XKR6: variants seen among roughly 807,000 people sequenced by gnomAD.
XKR6 encodes the protein XK related 6.
XKR6 carries 22 observed loss-of-function variants against 56.7 expected under a neutral mutation model. That is an observed-to-expected ratio of 0.39 (90% CI 0.28 to 0.55). The LOEUF (loss-of-function observed/expected upper bound fraction) is 0.55, where lower values mean the gene tolerates loss of function less well. Among genes scored for constraint, XKR6 ranks in the 20% least tolerant of loss-of-function variants. XKR6 has a pLI of 0.66. For missense variants in XKR6, 852 were observed against 889.0 expected (o/e 0.96, Z 0.53); for synonymous variants, 524 against 387.8 (o/e 1.35, Z -4.13).
rs1491486493 is a variant in XKR6 at position 11,114,725 on chromosome 8, A to ATGTGTGTGTGTG, written c.764+85850_764+85851insCACACACACACA. The stretch of plus-strand genomic sequence containing the variant: ...TAATGAAGTCAGCTACTTAGATCAC[A>ATGTGTGTGTGTG]TATGTGTGTGTGTGTGTGTGTGTGT... On this transcript the variant is annotated intron_variant, in intron 1 of 2. Coordinates refer to ENST00000416569, the MANE Select transcript of XKR6 (RefSeq NM_173683.4). Among the ~76,000 whole-genome samples, 43 of 77,690 alleles carry ATGTGTGTGTGTG rather than the reference A, an allele frequency of 5.5e-4. 1 individual carries two copies. Among genetic ancestry groups the ATGTGTGTGTGTG allele is most frequent in the African/African-American group, 2.2e-3 (38 of 17,668 alleles). The allele number at this position is 77,690 out of a possible 152,430, so 51.0% of individuals were successfully genotyped here.
At chr8:11,174,273 T>G (rs1057251271) in intron 1 of XKR6, among the ~76,000 whole-genome samples, 1 of 152,192 alleles carries the variant, frequency 6.6e-6, no homozygotes, top group African/African-American at 2.4e-5. Context: ...AGTAAGTCAC[T>G]CACTCCTCTC....
chr8:10,900,354 G>C (rs766921469), intron 2 of XKR6, among the ~76,000 whole-genome samples: 1 of 152,152 alleles, frequency 6.6e-6, no homozygotes, highest in Admixed American at 6.5e-5. Context: ...TCCGAAGCCC[G>C]ATGAAGAATC....
intron 1 of XKR6, among the ~76,000 whole-genome samples, chr8:11,188,339 CCAAA>C (rs1190362654): frequency 2.0e-5 from 3 of 152,150 alleles, no homozygotes; most frequent in Non-Finnish European, 4.4e-5. Context: ...AGTGGACGCC[CCAAA>C]CACAGTCCAC....
At chr8:10,949,405 T>A (rs2129126458) in intron 1 of XKR6, among the ~76,000 whole-genome samples, 1 of 152,278 alleles carries the variant, frequency 6.6e-6, no homozygotes, top group South Asian at 2.1e-4. Flanking sequence ...GGCAAGCCCC[T>A]TAAAGACTTG....
chr8:11,086,152 T>TTC (rs1797882693), intron 1 of XKR6, among the ~76,000 whole-genome samples: 1 of 127,476 alleles, frequency 7.8e-6, no homozygotes, highest in Admixed American at 7.4e-5. Flanking sequence ...ATATATATTT[T>TTC]TTTTTAAAAA....
chr8:11,182,259 G>C (rs369005874), intron 1 of XKR6, among the ~76,000 whole-genome samples: 1 of 152,174 alleles, frequency 6.6e-6, no homozygotes, highest in East Asian at 1.9e-4. Context: ...TGACGTCGTA[G>C]GATGGGGAAT....
Position 10,898,718 on chromosome 8 carries a change from C to G in XKR6, c.1160G>C (p.Gly387Ala). 6.2e-7 allele frequency: 1 copy of G among 1,614,000 alleles called. No individual in the cohort carries two copies. The highest frequency in any genetic ancestry group is 1.3e-5 in the African/African-American group (1 of 74,966). ...GCACCAGTGAACCACCACGAAGATC[C>G]CAAAATAGAGCTGGAAGATGGAAGC... is the stretch of plus-strand genomic sequence containing the variant. ...LFASIFQLYF[G>A]IFVVVHWCAM... Residue 387 changes from glycine (G) to alanine (A), a missense_variant, in exon 3 of 3, where the codon GGG becomes GCG. Transcript: ENST00000416569. The surrounding 1 kb of genome is among the most constrained non-coding windows in gnomAD (Gnocchi z 6.6).
chr8:11,175,237 G>C (rs1429808545), intron 1 of XKR6: 1 of 152,558 alleles, frequency 6.6e-6, no homozygotes, highest in Non-Finnish European at 1.5e-5. Context: ...TACAATGGTA[G>C]AGTCGGTAGG....
chr8:11,124,348 G>A (rs117368548), intron 1 of XKR6: 3,418 of 292,190 alleles, frequency 0.012, 34 homozygotes, highest in Non-Finnish European at 0.015. Flanking sequence ...CCCACTCAGC[G>A]GTGGGGCCAA....
At chr8:10,939,943 T>C (rs1801340137) in intron 1 of XKR6, among the ~76,000 whole-genome samples, 1 of 152,222 alleles carries the variant, frequency 6.6e-6, no homozygotes, top group African/African-American at 2.4e-5. Flanking sequence ...CCCCCAGGTG[T>C]GTCCCCTGAG....
chr8:10,908,106 G>A (rs1800234429), intron 2 of XKR6, among the ~76,000 whole-genome samples: 1 of 152,244 alleles, frequency 6.6e-6, no homozygotes, highest in South Asian at 2.1e-4. Flanking sequence ...GTGTGGCTGA[G>A]ACTTGCTCTG....
chr8:11,046,074 C>T (rs1376873732), intron 1 of XKR6, among the ~76,000 whole-genome samples: 1 of 152,036 alleles, frequency 6.6e-6, no homozygotes, highest in African/African-American at 2.4e-5. Context: ...AATCCAATCC[C>T]ACTTCCGGGT....
chr8:11,105,588 C>G (rs1798647094), intron 1 of XKR6: 1 of 152,252 alleles, frequency 6.6e-6, no homozygotes, highest in African/African-American at 2.4e-5. Flanking sequence ...TTGCAGAACA[C>G]TGATTTAGAT....
intron 1 of XKR6, among the ~76,000 whole-genome samples, chr8:10,973,221 A>G (rs778702894): frequency 4.6e-5 from 7 of 152,188 alleles, no homozygotes; most frequent in Non-Finnish European, 8.8e-5. Flanking sequence ...ATTTAAAATA[A>G]CCCATCACTA....
At position 10,942,494 on chromosome 8, in the gene XKR6, C is replaced by T. The variant is rs137921243; in HGVS notation, c.765-17664G>A. Reference sequence around the variant, plus strand: ...TCCTGCTCCCAGGACTGCCTGCTCCCGGTCACTCGCCATCACTGTGGCCTC... The same window carrying T: ...TCCTGCTCCCAGGACTGCCTGCTCCTGGTCACTCGCCATCACTGTGGCCTC... On this transcript the variant is annotated intron_variant, in intron 1 of 2. Transcript: ENST00000416569. Among the ~76,000 whole-genome samples the T allele has an allele frequency of 2.8e-3, 419 of 152,346 alleles. 4 individuals carry two copies. In the Middle Eastern group the frequency reaches 0.031, roughly 11 times the overall value.
At chr8:10,963,531 C>G (rs1029607019) in intron 1 of XKR6, among the ~76,000 whole-genome samples, 1 of 138,754 alleles carries the variant, frequency 7.2e-6, no homozygotes, top group African/African-American at 3.0e-5. Flanking sequence ...GGGCCTGACA[C>G]AAAGAAGACC....
intron 1 of XKR6, among the ~76,000 whole-genome samples, chr8:11,165,004 A>G (rs1320937952): frequency 6.6e-6 from 1 of 151,232 alleles, no homozygotes; most frequent in African/African-American, 2.4e-5. Context: ...AGGTACCAAC[A>G]GGGTTAAGAT....
chr8:11,045,174 C>A (rs1799380021), intron 1 of XKR6, among the ~76,000 whole-genome samples: 1 of 148,186 alleles, frequency 6.7e-6, no homozygotes, highest in Non-Finnish European at 1.5e-5. Context: ...GCAACCTCTG[C>A]CTCCAGGTTC....
intron 1 of XKR6, among the ~76,000 whole-genome samples, chr8:11,136,744 G>C (rs1296926186): frequency 6.6e-6 from 1 of 152,132 alleles, no homozygotes; most frequent in Non-Finnish European, 1.5e-5. Context: ...GATGGCATCT[G>C]AATCCTGGAT....
Sources: gnomAD v4.1 joint callset for allele counts (sites outside exome capture counted in the v4.1 genomes callset) on GRCh38, gnomAD v4.1.1 for gene constraint, Gnocchi (gnomAD v3.1) non-coding constraint, MANE v1.5 for transcripts, NCBI Gene and HGNC (gene_info 2026-07-23, HGNC 2026-07-21) for gene names.